Variants in NTRK1 observed in about 807,000 individuals in gnomAD.
The protein encoded by NTRK1 is high affinity nerve growth factor receptor.
NTRK1 carries 62 observed loss-of-function variants against 86.8 expected under a neutral mutation model. That is an observed-to-expected ratio of 0.71 (90% CI 0.58 to 0.88). NTRK1 has a LOEUF of 0.88. Ranked by LOEUF, NTRK1 falls within the 40% of genes least tolerant of loss-of-function variation. The pLI is 0.00. For missense variants in NTRK1, 967 were observed against 1,078.4 expected (o/e 0.90, Z 1.45); for synonymous variants, 469 against 456.6 (o/e 1.03, Z -0.35).
At chr1:156,844,371 T>G in intron 2 of NTRK1, 2 of 1,530,658 alleles carry the variant, frequency 1.3e-6, no homozygotes, top group Non-Finnish European at 1.8e-6. Flanking sequence ...GAGGTGAGGA[T>G]GGGGAGGGAT....
In NTRK1 at chr1:156,860,953, C is replaced by A; in HGVS notation, c.19C>A (p.Arg7Ser). 1 of 1,500,300 alleles carries A rather than the reference C, an allele frequency of 6.7e-7. No individual in the cohort carries two copies. Among genetic ancestry groups the A allele is most frequent in the South Asian group, 1.3e-5 (1 of 79,738 alleles). The allele number at this position is 1,500,300 out of a possible 1,614,324, so 92.9% of individuals were successfully genotyped here. The change falls in exon 1 of 17, where the codon CGC (arginine) becomes AGC (serine). Residue 7 changes from arginine to serine, a missense_variant. Arg to Ser is a moderately radical substitution (Grantham distance 110, BLOSUM62 -1). Transcript: ENST00000524377. ...CGCCGCGATGCTGCGAGGCGGACGG[C>A]GCGGGCAGCTTGGCTGGCACAGCTG... is the stretch of plus-strand genomic sequence containing the variant. Reference protein sequence around the residue: MLRGGRRGQLGWHSWAA... With the variant: MLRGGRSGQLGWHSWAA...
intron 1 of NTRK1, among the ~76,000 whole-genome samples, chr1:156,819,717 C>G (rs973478108): frequency 1.3e-5 from 2 of 151,868 alleles, no homozygotes; most frequent in Admixed American, 1.3e-4. Context: ...TGGGGTTTCT[C>G]CATGTTGGTC....
chr1:156,876,615 T>A, intron 14 of NTRK1, 43 bp downstream of exon 14: 1 of 1,581,564 alleles, frequency 6.3e-7, no homozygotes, highest in South Asian at 1.1e-5. Flanking sequence ...CCCCTGGCTC[T>A]GGGCCCCGTC....
chr1:156,872,062 A>G (rs961994827), intron 7 of NTRK1, among the ~76,000 whole-genome samples: 3 of 152,106 alleles, frequency 2.0e-5, no homozygotes, highest in African/African-American at 7.2e-5. Flanking sequence ...CCCGTCCCTC[A>G]TCGGGTCCTT....
intron 1 of NTRK1, among the ~76,000 whole-genome samples, chr1:156,862,154 G>A (rs926969206): frequency 2.0e-5 from 3 of 152,182 alleles, no homozygotes; most frequent in African/African-American, 7.2e-5. Flanking sequence ...GAAGGTATCC[G>A]AGGTGAGGAT....
At chr1:156,824,978 C>T (rs1654282960) in intron 1 of NTRK1, among the ~76,000 whole-genome samples, 1 of 152,228 alleles carries the variant, frequency 6.6e-6, no homozygotes, top group Non-Finnish European at 1.5e-5. Context: ...CAACCTCCGC[C>T]TCCCAGGTTC....
rs2102879319 is a variant in NTRK1 at position 156,861,062 on chromosome 1, A to C, written c.128A>C (p.His43Pro). 2 of 1,567,036 alleles carry C rather than the reference A, an allele frequency of 1.3e-6. No homozygotes were observed. The highest frequency in any genetic ancestry group is 1.7e-6 in the Non-Finnish European group (2 of 1,160,830). ...AAPCPDACCP[H>P]GSSGLRCTRD... The stretch of plus-strand genomic sequence containing the variant: ...CCCTGCCCCGATGCCTGCTGCCCCC[A>C]CGGCTCCTCGGGACTGCGATGCACC... Residue 43 changes from histidine (H) to proline (P), a missense_variant, in exon 1 of 17, where the codon CAC (histidine) becomes CCC (proline). Transcript: ENST00000524377.
chr1:156,822,611 A>G (rs1460911517), intron 1 of NTRK1, among the ~76,000 whole-genome samples: 4 of 124,420 alleles, frequency 3.2e-5, no homozygotes, highest in East Asian at 2.2e-4. Context: ...AAAGATTAGA[A>G]AAAAAAAAAA....
intron 2 of NTRK1, chr1:156,849,030 G>T (rs764095956): frequency 2.5e-6 from 4 of 1,613,420 alleles, no homozygotes; most frequent in South Asian, 1.1e-5. Context: ...GACACGAAGC[G>T]CAGGGTGCGA....
At chr1:156,825,265 A>G (rs1418489444) in intron 1 of NTRK1, among the ~76,000 whole-genome samples, 1 of 152,182 alleles carries the variant, frequency 6.6e-6, no homozygotes, top group African/African-American at 2.4e-5. Context: ...ACTAGGTTGA[A>G]CGAGATTCTC....
intron 2 of NTRK1, chr1:156,849,604 G>A (rs1040665000): frequency 3.1e-6 from 2 of 638,956 alleles, no homozygotes; most frequent in Non-Finnish European, 5.6e-6. Flanking sequence ...AGCACACCGG[G>A]GGCATTCGTG....
intron 10 of NTRK1, 131 bp downstream of exon 10, chr1:156,874,757 C>G (rs1312834925): frequency 1.2e-5 from 14 of 1,187,420 alleles, no homozygotes; most frequent in Non-Finnish European, 1.7e-5. Context: ...GCCACCCGCA[C>G]AGCCACTGCA....
intron 1 of NTRK1, among the ~76,000 whole-genome samples, chr1:156,838,634 T>C (rs1345614198): frequency 6.6e-6 from 1 of 152,236 alleles, no homozygotes; most frequent in Admixed American, 6.5e-5. Flanking sequence ...TTAAATCCAC[T>C]TCTTTTCTAG....
At position 156,876,474 on chromosome 1, in the gene NTRK1, CCAGCACATCGTGCGCTTCTTCGGCGTCTG is replaced by C. The variant is rs747947642; in HGVS notation, c.1710_1738del (p.Gln570HisfsTer11). ...CTGAGCTGCTCACCATGCTGCAGCA[CCAGCACATCGTGCGCTTCTTCGGCGTCTG>C]CACCGAGGGCCGCCCCCTGCTCATG... On this transcript the variant is annotated frameshift_variant, in exon 14 of 17. Coordinates refer to ENST00000524377, the MANE Select transcript of NTRK1 (RefSeq NM_002529.4). LOFTEE classifies it high-confidence loss of function. 6.2e-7 allele frequency: 1 copy of C among 1,613,838 alleles called. No homozygotes were observed. The highest frequency in any genetic ancestry group is 8.5e-7 in the Non-Finnish European group (1 of 1,179,980).
intron 1 of NTRK1, among the ~76,000 whole-genome samples, chr1:156,832,018 T>G (rs1343189514): frequency 6.6e-6 from 1 of 152,188 alleles, no homozygotes; most frequent in Non-Finnish European, 1.5e-5. Context: ...CAGCTGATGC[T>G]TTGGCTCAGG....
chr1:156,862,456 T>G (rs997514400), intron 1 of NTRK1, among the ~76,000 whole-genome samples: 2 of 152,074 alleles, frequency 1.3e-5, no homozygotes, highest in Non-Finnish European at 2.9e-5. Context: ...CCCAACTCTT[T>G]CCAAGCCCCA....
chr1:156,870,876 C>G (rs1005525765), intron 6 of NTRK1, among the ~76,000 whole-genome samples: 2 of 152,162 alleles, frequency 1.3e-5, no homozygotes, highest in Non-Finnish European at 2.9e-5. Flanking sequence ...CCACGGTTTC[C>G]TAGGAAGAGA....
chr1:156,866,878 G>T, intron 3 of NTRK1, 32 bp from the exon 4 acceptor site: 1 of 1,611,898 alleles, frequency 6.2e-7, no homozygotes, highest in Non-Finnish European at 8.5e-7. Flanking sequence ...GTCACTCAAG[G>T]GGTCTGTCTT....
intron 2 of NTRK1, chr1:156,845,764 C>G (rs769580469): frequency 6.2e-6 from 10 of 1,613,328 alleles, no homozygotes; most frequent in Non-Finnish European, 6.8e-6. Flanking sequence ...TCAGGATCCC[C>G]GTCTTCGCCG....
Sources: gnomAD v4.1 joint callset for allele counts (sites outside exome capture counted in the v4.1 genomes callset) on GRCh38, gnomAD v4.1.1 for gene constraint, MANE v1.5 for transcripts, NCBI Gene and HGNC (gene_info 2026-07-23, HGNC 2026-07-21) for gene names.